Variants in GALNT17 observed in about 807,000 individuals in gnomAD.
The protein encoded by GALNT17 is UDP-GalNAc:polypeptide N-acetylgalactosaminyltransferase-like 3.
A neutral mutation model predicts 63.7 loss-of-function variants in GALNT17; 29 were observed. The ratio of observed to expected loss-of-function variants is 0.46; its 90% confidence interval spans 0.34 to 0.62. The LOEUF is 0.62. Ranked by LOEUF, GALNT17 falls within the 20% of genes least tolerant of loss-of-function variation. The pLI is 0.01. For synonymous variants in GALNT17, 305 were observed against 318.3 expected (o/e 0.96, Z 0.45); for missense variants, 603 against 799.6 (o/e 0.75, Z 2.97).
At chr7:71,222,943 T>A (rs1348115745) in intron 1 of GALNT17, among the ~76,000 whole-genome samples, 1 of 152,060 alleles carries the variant, frequency 6.6e-6, no homozygotes, top group Non-Finnish European at 1.5e-5. Flanking sequence ...CACCGTGGTA[T>A]TCACTTGTAG....
chr7:71,629,148 C>A (rs1257945638), intron 6 of GALNT17, among the ~76,000 whole-genome samples: 1 of 151,992 alleles, frequency 6.6e-6, no homozygotes, highest in Non-Finnish European at 1.5e-5. Context: ...CTAGCAGAGG[C>A]ACCAAGCAGG....
chr7:71,309,276 T>C (rs1791368670), intron 1 of GALNT17, among the ~76,000 whole-genome samples: 1 of 152,176 alleles, frequency 6.6e-6, no homozygotes, highest in African/African-American at 2.4e-5. Flanking sequence ...CCATGACCCT[T>C]GGCAGTCTAA....
At chr7:71,315,797 C>T (rs1791488751) in intron 1 of GALNT17, among the ~76,000 whole-genome samples, 1 of 152,102 alleles carries the variant, frequency 6.6e-6, no homozygotes, top group Non-Finnish European at 1.5e-5. Flanking sequence ...AGTCTGTGTT[C>T]TTCATAGACT....
At chr7:71,281,658 A>C (rs1331170437) in intron 1 of GALNT17, among the ~76,000 whole-genome samples, 1 of 152,150 alleles carries the variant, frequency 6.6e-6, no homozygotes, top group Admixed American at 6.5e-5. Context: ...CATATCACTG[A>C]ATTGAGCCCT....
rs1791814707 is a variant in GALNT17, at chr7:71,712,744, C to G, written c.*598C>G. ...GCACTGCAGCTCTGGACTTTTCTGGCCCCTCCTGAGATGACCTGATGGAGC... is the reference window on the plus strand; with the variant it reads ...GCACTGCAGCTCTGGACTTTTCTGGGCCCTCCTGAGATGACCTGATGGAGC... On this transcript the variant is annotated 3_prime_UTR_variant, in exon 11 of 11. Coordinates refer to ENST00000333538, the MANE Select transcript of GALNT17 (RefSeq NM_022479.3). 1 of 153,204 alleles carries G rather than the reference C, an allele frequency of 6.5e-6. No individual in the cohort carries two copies. The highest frequency in any genetic ancestry group is 2.4e-5 in the African/African-American group (1 of 41,484). The allele number at this position is 153,204 out of a possible 1,614,324, so 9.5% of individuals were successfully genotyped here.
At position 71,214,690 on chromosome 7, in the gene GALNT17, G is replaced by A. The variant is rs564452520; in HGVS notation, c.238+81650G>A. ...CCTCCTGGGTTCAAGCAATTCTCCT[G>A]CCTCAGCCTCCTGAGTAGCTTGGAT... On this transcript the variant is annotated intron_variant, in intron 1 of 10. Transcript: ENST00000333538. Among the ~76,000 whole-genome samples, 58 of 150,938 alleles carry A rather than the reference G, an allele frequency of 3.8e-4. 1 individual carries two copies. In the South Asian group the frequency reaches 0.01, roughly 26 times the overall value.
intron 2 of GALNT17, among the ~76,000 whole-genome samples, chr7:71,379,920 G>A (rs944254833): frequency 1.3e-5 from 2 of 152,098 alleles, no homozygotes; most frequent in Non-Finnish European, 2.9e-5. Flanking sequence ...GGAGCTTAAG[G>A]ATTTGGGGAA....
At chr7:71,255,561 T>G (rs1259060020) in intron 1 of GALNT17, among the ~76,000 whole-genome samples, 2 of 152,228 alleles carry the variant, frequency 1.3e-5, no homozygotes, top group Non-Finnish European at 2.9e-5. Flanking sequence ...CTGAAGGAGT[T>G]TGCAGTTTAC....
intron 5 of GALNT17, among the ~76,000 whole-genome samples, chr7:71,513,474 C>CT (rs921385136): frequency 1.3e-5 from 2 of 152,012 alleles, no homozygotes; most frequent in African/African-American, 4.8e-5. Context: ...CAACCTCCGC[C>CT]TCCCCAGTTC....
At chr7:71,553,066 T>G (rs554437114) in intron 5 of GALNT17, among the ~76,000 whole-genome samples, 1 of 152,294 alleles carries the variant, frequency 6.6e-6, no homozygotes, top group African/African-American at 2.4e-5. Context: ...GGCTCATGCC[T>G]GTAATCCTAG....
chr7:71,333,595 G>A (rs1184373789), intron 1 of GALNT17, among the ~76,000 whole-genome samples: 1 of 152,158 alleles, frequency 6.6e-6, no homozygotes, highest in Non-Finnish European at 1.5e-5. Flanking sequence ...AGGCTGGAGT[G>A]CAGCTGTGGG....
chr7:71,565,391 T>C lies in GALNT17; in HGVS notation c.963-5894T>C, dbSNP rs376424070. Among the ~76,000 whole-genome samples, 5 of 151,996 alleles carry C rather than the reference T, an allele frequency of 3.3e-5. No individual in the cohort carries two copies. The East Asian group carries it at 7.7e-4, about 23-fold the overall frequency. Reference sequence around the variant, plus strand: ...TGAAGGTGATGTGATGAGCTTCTGATCCCTCTGTCTGCTCCCCTCTTTCCT... The same window carrying C: ...TGAAGGTGATGTGATGAGCTTCTGACCCCTCTGTCTGCTCCCCTCTTTCCT... On this transcript the variant is annotated intron_variant, in intron 5 of 10. Transcript: ENST00000333538.
At chr7:71,445,134 C>CTATA (rs1787136896) in intron 5 of GALNT17, among the ~76,000 whole-genome samples, 1 of 150,758 alleles carries the variant, frequency 6.6e-6, no homozygotes, top group African/African-American at 2.4e-5. Context: ...GGTAATGGAG[C>CTATA]TATAGCACCT....
intron 1 of GALNT17, among the ~76,000 whole-genome samples, chr7:71,136,226 C>G (rs888630969): frequency 2.0e-5 from 3 of 152,126 alleles, no homozygotes; most frequent in African/African-American, 4.8e-5. Flanking sequence ...GAGACACGTG[C>G]TCTCTTGCTC....
intron 5 of GALNT17, among the ~76,000 whole-genome samples, chr7:71,537,394 C>G (rs1485183502): frequency 6.6e-6 from 1 of 152,114 alleles, no homozygotes; most frequent in Admixed American, 6.6e-5. Flanking sequence ...GAGGGCTTCG[C>G]AGATCTGATT....
At chr7:71,506,650 GT>G (rs1449916298) in intron 5 of GALNT17, among the ~76,000 whole-genome samples, 1 of 152,172 alleles carries the variant, frequency 6.6e-6, no homozygotes, top group Non-Finnish European at 1.5e-5. Flanking sequence ...ACATAGAGAT[GT>G]TTCAATACAT....
chr7:71,162,955 C>T (rs1008160160), intron 1 of GALNT17, among the ~76,000 whole-genome samples: 1 of 152,158 alleles, frequency 6.6e-6, no homozygotes, highest in East Asian at 1.9e-4. Context: ...ATGGAAGACG[C>T]ACTGTGGAGG....
At position 71,280,115 on chromosome 7, in the gene GALNT17, C is replaced by T. The variant is rs563200995; in HGVS notation, c.239-55435C>T. On this transcript the variant is annotated intron_variant, in intron 1 of 10. Coordinates refer to ENST00000333538, the MANE Select transcript of GALNT17 (RefSeq NM_022479.3). ...TTTCTGCCCCATTGTGAGCTTTTTG[C>T]CTTTGGATCAGAGAGAGAGGGAGTA... is the stretch of plus-strand genomic sequence containing the variant. Among the ~76,000 whole-genome samples, 32 of 152,010 alleles carry T rather than the reference C, an allele frequency of 2.1e-4. 1 individual carries two copies. In the Middle Eastern group the frequency reaches 0.01, roughly 48 times the overall value.
At chr7:71,659,503 T>C (rs1790875204) in intron 6 of GALNT17, among the ~76,000 whole-genome samples, 1 of 152,204 alleles carries the variant, frequency 6.6e-6, no homozygotes, top group African/African-American at 2.4e-5. Context: ...TAGCTGGGCC[T>C]CTATTGCTCC....
Sources: gnomAD v4.1 joint callset for allele counts (sites outside exome capture counted in the v4.1 genomes callset) on GRCh38, gnomAD v4.1.1 for gene constraint, MANE v1.5 for transcripts, NCBI Gene and HGNC (gene_info 2026-07-23, HGNC 2026-07-21) for gene names.